PCDH15: variants seen among roughly 807,000 people sequenced by gnomAD.
The protein encoded by PCDH15 is protocadherin related 15.
PCDH15 carries 129 observed loss-of-function variants against 178.5 expected under a neutral mutation model. The observed-to-expected ratio is 0.72, with a 90% CI of 0.63 to 0.84. The LOEUF (loss-of-function observed/expected upper bound fraction) is 0.84. Ranked by LOEUF, PCDH15 falls within the 40% of genes least tolerant of loss-of-function variation. PCDH15 has a pLI of 0.00. For missense variants in PCDH15, 2,230 were observed against 2,099.9 expected (o/e 1.06, Z -1.21); for synonymous variants, 800 against 732.0 (o/e 1.09, Z -1.50).
chr10:55,300,766 T>A (rs1307299665), intron 1 of PCDH15, among the ~76,000 whole-genome samples: 1 of 152,188 alleles, frequency 6.6e-6, no homozygotes, highest in Non-Finnish European at 1.5e-5. Flanking sequence ...ATTTTTTAAA[T>A]GAGATAACTG....
chr10:53,809,233 T>C, intron 37 of PCDH15: 1 of 1,613,934 alleles, frequency 6.2e-7, no homozygotes, highest in African/African-American at 1.3e-5. Flanking sequence ...GTATTCAGTA[T>C]AGTCGCTGGA....
intron 28 of PCDH15, among the ~76,000 whole-genome samples, chr10:53,849,574 G>T (rs969360181): frequency 3.3e-5 from 5 of 152,004 alleles, no homozygotes; most frequent in Admixed American, 3.3e-4. Context: ...AGAAAAATAT[G>T]TACAAATTGG....
At chr10:54,679,518 C>T (rs1422779296) in intron 1 of PCDH15, among the ~76,000 whole-genome samples, 1 of 152,174 alleles carries the variant, frequency 6.6e-6, no homozygotes, top group African/African-American at 2.4e-5. Flanking sequence ...CATCCACTAT[C>T]TTCCACTAAC....
intron 3 of PCDH15, among the ~76,000 whole-genome samples, chr10:54,857,573 G>A (rs773643998): frequency 6.6e-6 from 1 of 151,342 alleles, no homozygotes; most frequent in East Asian, 1.9e-4. Flanking sequence ...AGCCTCCCGA[G>A]TACATAGGAT....
At chr10:54,848,253 G>A (rs1031430637) in intron 3 of PCDH15, among the ~76,000 whole-genome samples, 2 of 151,820 alleles carry the variant, frequency 1.3e-5, no homozygotes, top group Non-Finnish European at 2.9e-5. Context: ...CATGGTGGCA[G>A]ACGCCTGTAA....
chr10:55,398,134 C>T (rs1010630590), intron 2 of PCDH15, among the ~76,000 whole-genome samples: 3 of 150,614 alleles, frequency 2.0e-5, no homozygotes, highest in Admixed American at 6.6e-5. Context: ...ATCTCCTTTT[C>T]ATTATTTTGG....
chr10:54,642,588 C>CAT (rs2094017051), intron 2 of PCDH15, among the ~76,000 whole-genome samples: 1 of 152,052 alleles, frequency 6.6e-6, no homozygotes, highest in Non-Finnish European at 1.5e-5. Flanking sequence ...AATATATCAG[C>CAT]ATATTATATG....
In PCDH15 at chr10:54,327,032, T is replaced by C. The variant is rs544165903; in HGVS notation, c.705+2564A>G. 1.1e-4 allele frequency among the ~76,000 whole-genome samples: 17 copies of C among 152,222 alleles called. No homozygotes were observed. The South Asian group carries it at 3.5e-3, about 32-fold the overall frequency. On this transcript the variant is annotated intron_variant, in intron 7 of 37. Coordinates refer to ENST00000644397, the MANE Select transcript of PCDH15 (RefSeq NM_001384140.1). ...TACTTCTGTTTTATAACTTTATCCC[T>C]GAAATGCTAAAAACTTGTCACTACC...
chr10:55,001,601 C>G (rs1257484832), intron 2 of PCDH15, among the ~76,000 whole-genome samples: 2 of 152,144 alleles, frequency 1.3e-5, no homozygotes, highest in Non-Finnish European at 2.9e-5. Context: ...AGCTGCCCAC[C>G]CTGACACAGC....
At chr10:55,275,482 A>G (rs1260624256) in intron 1 of PCDH15, among the ~76,000 whole-genome samples, 3 of 151,928 alleles carry the variant, frequency 2.0e-5, no homozygotes, top group Non-Finnish European at 4.4e-5. Context: ...TTCCACTAAA[A>G]TCTTCAAATT....
At chr10:55,382,067 G>A (rs1005940990) in intron 2 of PCDH15, among the ~76,000 whole-genome samples, 13 of 152,116 alleles carry the variant, frequency 8.5e-5, no homozygotes, top group African/African-American at 2.9e-4. Context: ...AGATATGAAA[G>A]CTAAATAATT....
chr10:54,977,775 C>A (rs1564682534), intron 2 of PCDH15, among the ~76,000 whole-genome samples: 1 of 152,120 alleles, frequency 6.6e-6, no homozygotes, highest in Non-Finnish European at 1.5e-5. Context: ...GGGTCTGGAT[C>A]AGGATCCCTT....
At chr10:53,976,712 C>T (rs1224462019) in intron 21 of PCDH15, among the ~76,000 whole-genome samples, 1 of 151,960 alleles carries the variant, frequency 6.6e-6, no homozygotes, top group Non-Finnish European at 1.5e-5. Context: ...TGTGATTTGC[C>T]ATTATTTAAG....
chr10:54,303,403 T>A (rs1425938298), intron 8 of PCDH15, among the ~76,000 whole-genome samples: 1 of 151,984 alleles, frequency 6.6e-6, no homozygotes, highest in East Asian at 1.9e-4. Context: ...TACATATATA[T>A]AAAAATATAT....
intron 7 of PCDH15, among the ~76,000 whole-genome samples, chr10:54,319,130 T>G (rs1468951161): frequency 6.6e-6 from 1 of 152,164 alleles, no homozygotes; most frequent in Admixed American, 6.6e-5. Context: ...CTGGAAATGT[T>G]TTTACTTTCA....
At chr10:54,265,403 C>T (rs916057675) in intron 8 of PCDH15, among the ~76,000 whole-genome samples, 2 of 150,918 alleles carry the variant, frequency 1.3e-5, no homozygotes, top group East Asian at 3.9e-4. Context: ...ATGGCAGGAA[C>T]AAAATCTCAC....
chr10:54,599,627 C>A, intron 2 of PCDH15: 2 of 332,152 alleles, frequency 6.0e-6, no homozygotes, highest in Non-Finnish European at 5.7e-6. Context: ...ATGCCAAAAG[C>A]AATCACAGCA....
intron 2 of PCDH15, among the ~76,000 whole-genome samples, chr10:54,543,443 G>T (rs192228844): frequency 2.2e-4 from 34 of 152,256 alleles, no homozygotes; most frequent in Admixed American, 2.0e-3. Context: ...TCCCCTAGAG[G>T]TTTGAGCAGC....
At chr10:53,995,840 G>T in intron 20 of PCDH15, 75 bp from the exon 21 acceptor site, 1 of 1,274,328 alleles carries the variant, frequency 7.8e-7, no homozygotes, top group Non-Finnish European at 1.1e-6. Context: ...TTGACTCCCA[G>T]TCTTCATATC....
Sources: allele counts gnomAD v4.1 joint callset (sites outside exome capture counted in the v4.1 genomes callset), GRCh38; gene constraint gnomAD v4.1.1; transcripts MANE v1.5; gene names NCBI Gene and HGNC (gene_info 2026-07-23, HGNC 2026-07-21).